The following TTLL9 variants were observed in gnomAD, a reference collection of about 807,000 sequenced individuals.
TTLL9 encodes the protein tubulin tyrosine ligase like 9, also known as probable tubulin polyglutamylase TTLL9.
A neutral mutation model predicts 65.6 loss-of-function variants in TTLL9; 47 were observed. The observed-to-expected ratio is 0.72, with a 90% confidence interval of 0.57 to 0.91. The LOEUF is 0.91. TTLL9 is among the 40% of genes least tolerant of loss of function. The probability of loss-of-function intolerance (pLI) is 0.00; values close to 1 mark genes in which losing one functional copy is unlikely to be tolerated. For synonymous variants in TTLL9, 179 were observed against 204.8 expected (o/e 0.87, Z 1.07); for missense variants, 537 against 568.8 (o/e 0.94, Z 0.57).
chr20:31,938,167 C>G (rs73903691), intron 13 of TTLL9: 1 of 451,262 alleles, frequency 2.2e-6, no homozygotes, highest in Non-Finnish European at 4.4e-6. Context: ...AGCTTTTCCC[C>G]GATTATTCCA....
intron 10 of TTLL9, among the ~76,000 whole-genome samples, chr20:31,927,860 G>T (rs1431297606): frequency 6.6e-6 from 1 of 152,196 alleles, no homozygotes; most frequent in African/African-American, 2.4e-5. Flanking sequence ...TCAGTTGAGT[G>T]CGTGTCCAAG....
chr20:31,890,096 CCCTCCCTT>C lies in TTLL9; in HGVS notation c.113+2861_113+2868del, dbSNP rs1207784382. Among the ~76,000 whole-genome samples, 337 of 73,882 alleles carry C rather than the reference CCCTCCCTT, an allele frequency of 4.6e-3. 23 individuals are homozygous for C. Among genetic ancestry groups the C allele is most frequent in the African/African-American group, 8.8e-3 (129 of 14,612 alleles). 48.5% of individuals were successfully genotyped at this position (73,882 alleles called of 152,430 possible). A position where few individuals can be genotyped will look rare whatever the true frequency, so the allele number is the denominator to read the frequency against. On this transcript the variant is annotated intron_variant, in intron 3 of 14. Coordinates refer to ENST00000535842, the MANE Select transcript of TTLL9 (RefSeq NM_001008409.5). ...GCTTTCTTGCTTTCTTGCTTTCTTT[CCCTCCCTT>C]CCTTCCTTCCTTCCTTCCTTCCTTC... is the stretch of plus-strand genomic sequence containing the variant.
chr20:31,937,281 G>A lies in TTLL9; in HGVS notation c.1005-115G>A, dbSNP rs548849701. On this transcript the variant is annotated intron_variant, in intron 12 of 14. Transcript: ENST00000535842. Reference sequence around the variant, plus strand: ...AAAAAAAAATAGAAAGGTAGAGAGAGTAGCCTGGATTGAATTGACGGTGGG... The same window carrying A: ...AAAAAAAAATAGAAAGGTAGAGAGAATAGCCTGGATTGAATTGACGGTGGG... 40 of 670,566 alleles carry A rather than the reference G, an allele frequency of 6.0e-5. No individual in the cohort carries two copies. The African/African-American group carries it at 6.9e-4, about 12-fold the overall frequency. The allele number at this position is 670,566 out of a possible 1,614,324, so 41.5% of individuals were successfully genotyped here.
chr20:31,879,971 T>A lies in TTLL9; in HGVS notation c.70-7225T>A, dbSNP rs1429938551. Reference sequence around the variant, plus strand: ...AGGAAAGCAGCAGAGGGATTCAAAATCGGTTGGGGATGGGTGTTCCTCGCG... The same window carrying A: ...AGGAAAGCAGCAGAGGGATTCAAAAACGGTTGGGGATGGGTGTTCCTCGCG... On this transcript the variant is annotated intron_variant, in intron 2 of 14. Transcript: ENST00000535842. The A allele has an allele frequency of 9.5e-5, 96 of 1,005,466 alleles. 1 individual carries two copies. Among genetic ancestry groups the A allele is most frequent in the Non-Finnish European group, 1.0e-5 (8 of 773,416 alleles). The allele number at this position is 1,005,466 out of a possible 1,614,324, so 62.3% of individuals were successfully genotyped here.
In TTLL9 at chr20:31,870,714, G is replaced by A; in HGVS notation, c.-241G>A. 2.8e-6 allele frequency: 2 copies of A among 715,166 alleles called. No individual in the cohort carries two copies. The highest frequency in any genetic ancestry group is 4.0e-6 in the Non-Finnish European group (2 of 503,082). 44.3% of individuals were successfully genotyped at this position (715,166 alleles called of 1,614,324 possible). A position where few individuals can be genotyped will look rare whatever the true frequency, so the allele number is the denominator to read the frequency against. On this transcript the variant is annotated 5_prime_UTR_variant, in exon 1 of 15. Transcript: ENST00000535842. The surrounding 1 kb of genome is among the most constrained non-coding windows in gnomAD (Gnocchi z 6.6). The stretch of plus-strand genomic sequence containing the variant: ...GCCGCCACCTCCGGAGGTGGGGGCG[G>A]GGGCCTTACCCCACCCTGGCACCGG...
intron 10 of TTLL9, among the ~76,000 whole-genome samples, chr20:31,932,720 G>A (rs907244380): frequency 1.3e-5 from 2 of 152,086 alleles, no homozygotes; most frequent in African/African-American, 4.8e-5. Context: ...GTTTGGTACT[G>A]GGTGTGGTGG....
chr20:31,934,848 C>T lies in TTLL9; in HGVS notation c.964C>T (p.Leu322=). 6.2e-7 allele frequency: 1 copy of T among 1,613,994 alleles called. No individual in the cohort carries two copies. Among genetic ancestry groups the T allele is most frequent in the South Asian group, 1.1e-5 (1 of 91,032 alleles). Residue 322 remains leucine, a synonymous_variant, in exon 12 of 15, where the codon CTG becomes TTG. Coordinates refer to ENST00000535842, the MANE Select transcript of TTLL9 (RefSeq NM_001008409.5). ...CATCAGTGACAAGCACTGCTTCGAG[C>T]TGTACGGCTATGACATCCTCATCGA... ...VIISDKHCFE[L]YGYDILIDQD...
intron 2 of TTLL9, among the ~76,000 whole-genome samples, chr20:31,873,972 C>G (rs1024886421): frequency 5.3e-5 from 8 of 152,200 alleles, no homozygotes; most frequent in African/African-American, 1.9e-4. Flanking sequence ...GGCGGGTGAG[C>G]CAATGTCCCT....
intron 3 of TTLL9, among the ~76,000 whole-genome samples, chr20:31,891,620 A>G (rs1401605695): frequency 6.6e-6 from 1 of 151,934 alleles, no homozygotes; most frequent in Non-Finnish European, 1.5e-5. Context: ...GATTACAGGC[A>G]TGAGCCACCA....
chr20:31,890,242 A>G (rs1403556197), intron 3 of TTLL9, among the ~76,000 whole-genome samples: 1 of 145,646 alleles, frequency 6.9e-6, no homozygotes, highest in Non-Finnish European at 1.5e-5. Flanking sequence ...CCAGGAACTT[A>G]CCCTTTCTAG....
chr20:31,934,829 T>C lies in TTLL9; in HGVS notation c.945T>C (p.Ser315=), dbSNP rs1568838309. Reference sequence around the variant, plus strand: ...AGAGTGTGCAGAAGGTGATCATCAGTGACAAGCACTGCTTCGAGCTGTACG... The same window carrying C: ...AGAGTGTGCAGAAGGTGATCATCAGCGACAAGCACTGCTTCGAGCTGTACG... ...SLQSVQKVII[S]DKHCFELYGY... is the part of the protein sequence containing the mutation. The change falls in exon 12 of 15, where the codon AGT becomes AGC. Residue 315 remains serine (S), a synonymous_variant. Coordinates refer to ENST00000535842, the MANE Select transcript of TTLL9 (RefSeq NM_001008409.5). 1.2e-6 allele frequency: 2 copies of C among 1,613,880 alleles called. No individual in the cohort carries two copies. The highest frequency in any genetic ancestry group is 1.7e-5 in the Admixed American group (1 of 59,996).
At chr20:31,889,735 AT>A (rs57593267) in intron 3 of TTLL9, among the ~76,000 whole-genome samples, 71,686 of 143,556 alleles carry the variant, frequency 0.5, 17,525 homozygotes, top group Middle Eastern at 0.58. Flanking sequence ...AATTTTTTTA[AT>A]TTTTTTTTTT....
intron 8 of TTLL9, among the ~76,000 whole-genome samples, chr20:31,923,531 C>G (rs1468211227): frequency 6.6e-6 from 1 of 152,128 alleles, no homozygotes; most frequent in East Asian, 1.9e-4. Context: ...GACATGTGAG[C>G]TGAGACCTGA....
intron 10 of TTLL9, among the ~76,000 whole-genome samples, chr20:31,929,123 T>C (rs1414531505): frequency 6.6e-6 from 1 of 152,180 alleles, no homozygotes; most frequent in East Asian, 1.9e-4. Flanking sequence ...TGACCTTGAT[T>C]CAACAGTTTG....
Position 31,939,153 on chromosome 20 carries a change from G to C in TTLL9, c.1130G>C (p.Arg377Thr), listed in dbSNP as rs763304533. Residue 377 changes from arginine (R) to threonine (T), a missense_variant, in exon 14 of 15, where the codon AGG (arginine) becomes ACG (threonine). Arg to Thr is a moderately conservative substitution (Grantham distance 71, BLOSUM62 -1). This residue lies in a region of TTLL9 where 205 missense variants were observed against 225.9 expected (regional missense o/e 0.91). Transcript: ENST00000535842. The stretch of plus-strand genomic sequence containing the variant: ...TCCTTCCTGTCCAGGCTCACGGGAA[G>C]GGAGAAGCGAGTCGGGGGCTTTGAC... Reference protein sequence around the residue: ...VVDMEARLTGREKRVGGFDLM... With the variant: ...VVDMEARLTGTEKRVGGFDLM... The C allele has an allele frequency of 6.3e-7, 1 of 1,591,640 alleles. No individual in the cohort carries two copies. Among genetic ancestry groups the C allele is most frequent in the Admixed American group, 1.7e-5 (1 of 57,976 alleles).
At chr20:31,894,636 T>C (rs2063356350) in intron 3 of TTLL9, among the ~76,000 whole-genome samples, 1 of 152,038 alleles carries the variant, frequency 6.6e-6, no homozygotes, top group Non-Finnish European at 1.5e-5. Flanking sequence ...TGAAAAACAA[T>C]TGTATATCAT....
chr20:31,879,823 A>G (rs913130628), intron 2 of TTLL9: 50 of 1,548,520 alleles, frequency 3.2e-5, no homozygotes, highest in Non-Finnish European at 4.2e-5. Context: ...TGGCAACGGG[A>G]CGCATAAGCA....
At chr20:31,938,266 A>G (rs532575884) in intron 13 of TTLL9, 12 of 455,560 alleles carry the variant, frequency 2.6e-5, no homozygotes, top group Middle Eastern at 3.3e-4. Flanking sequence ...TTGACCAGGT[A>G]TAGTTCTTGT....
intron 5 of TTLL9, among the ~76,000 whole-genome samples, chr20:31,909,396 C>T (rs1246298648): frequency 6.6e-6 from 1 of 152,082 alleles, no homozygotes; most frequent in Non-Finnish European, 1.5e-5. Context: ...CCCACCTTGG[C>T]CTCCCAAAGT....
Sources: gnomAD v4.1 joint callset for allele counts (sites outside exome capture counted in the v4.1 genomes callset) on GRCh38, gnomAD v4.1.1 for gene constraint, gnomAD v4.1.1 regional missense constraint, Gnocchi (gnomAD v3.1) non-coding constraint, MANE v1.5 for transcripts, NCBI Gene and HGNC (gene_info 2026-07-23, HGNC 2026-07-21) for gene names.